The following ZNF804A variants were observed in gnomAD, a reference collection of about 807,000 sequenced individuals.
ZNF804A encodes zinc finger protein 804A.
A neutral mutation model predicts 16.5 loss-of-function variants in ZNF804A; 2 were observed. That is an observed-to-expected ratio of 0.12 (90% CI 0.05 to 0.38). The LOEUF is 0.38. Among genes scored for constraint, ZNF804A ranks in the 10% least tolerant of loss-of-function variants. ZNF804A has a pLI of 0.99. For missense variants in ZNF804A, 1,473 were observed against 1,390.7 expected (o/e 1.06, Z -0.94); for synonymous variants, 534 against 489.6 (o/e 1.09, Z -1.20).
At chr2:184,630,951 G>A (rs1235216911) in intron 1 of ZNF804A, among the ~76,000 whole-genome samples, 1 of 152,044 alleles carries the variant, frequency 6.6e-6, no homozygotes, top group East Asian at 1.9e-4. Flanking sequence ...TCAGAGATTG[G>A]ATTTAATAAA....
At chr2:184,724,946 G>C (rs1276427999) in intron 1 of ZNF804A, among the ~76,000 whole-genome samples, 1 of 151,738 alleles carries the variant, frequency 6.6e-6, no homozygotes, top group African/African-American at 2.4e-5. Context: ...TAAGATAAGA[G>C]TAATGTGAAA....
At chr2:184,705,477 A>G (rs115507663) in intron 1 of ZNF804A, among the ~76,000 whole-genome samples, 2,192 of 152,236 alleles carry the variant, frequency 0.014, 61 homozygotes, top group African/African-American at 0.05. Context: ...AACCCAGAAT[A>G]TATTCTCATT....
intron 2 of ZNF804A, among the ~76,000 whole-genome samples, chr2:184,904,642 G>A (rs1685241797): frequency 6.6e-6 from 1 of 151,694 alleles, no homozygotes; most frequent in Non-Finnish European, 1.5e-5. Flanking sequence ...ATAAAAGAAG[G>A]GTAAAATTAA....
At chr2:184,796,598 TTTTTGTTGTTG>T (rs1462235849) in intron 1 of ZNF804A, among the ~76,000 whole-genome samples, 2 of 151,952 alleles carry the variant, frequency 1.3e-5, no homozygotes, top group Non-Finnish European at 2.9e-5. Context: ...CTTTTGTATC[TTTTTGTTGTTG>T]TTGTTTCAAT....
At chr2:184,653,376 G>A (rs1692019782) in intron 1 of ZNF804A, among the ~76,000 whole-genome samples, 3 of 152,152 alleles carry the variant, frequency 2.0e-5, no homozygotes, top group African/African-American at 7.2e-5. Flanking sequence ...TGAGTTACCA[G>A]TGGCGAATCC....
rs879530358 is a variant in ZNF804A, at chr2:184,842,512, A to AT, written c.112-23846dup. Reference sequence around the variant, plus strand: ...AAGGTGATTTCCTTTTGGAGCTGGGATTTTTTTTTTTAAAAAAAAAGGAAA... The same window carrying AT: ...AAGGTGATTTCCTTTTGGAGCTGGGATTTTTTTTTTTTAAAAAAAAAGGAAA... On this transcript the variant is annotated intron_variant, in intron 1 of 3. Coordinates refer to ENST00000302277, the MANE Select transcript of ZNF804A (RefSeq NM_194250.2). 5.1e-3 allele frequency among the ~76,000 whole-genome samples: 757 copies of AT among 148,808 alleles called. 3 individuals are homozygous for AT. The highest frequency in any genetic ancestry group is 0.015 in the African/African-American group (595 of 40,592).
intron 1 of ZNF804A, among the ~76,000 whole-genome samples, chr2:184,783,584 ACTT>A (rs1374535115): frequency 5.9e-5 from 9 of 151,836 alleles, no homozygotes; most frequent in Non-Finnish European, 1.2e-4. Flanking sequence ...TTTCTCTGGC[ACTT>A]CTTCTGTTGT....
At chr2:184,803,798 A>G (rs910702314) in intron 1 of ZNF804A, among the ~76,000 whole-genome samples, 3 of 147,352 alleles carry the variant, frequency 2.0e-5, no homozygotes, top group East Asian at 2.0e-4. Context: ...CATTACTCCA[A>G]TCTGTGTATC....
At chr2:184,831,969 C>T in intron 1 of ZNF804A, among the ~76,000 whole-genome samples, 1 of 151,894 alleles carries the variant, frequency 6.6e-6, no homozygotes. Context: ...GAGTTTTTCT[C>T]TCTTACCATA....
rs193060102 is a variant in ZNF804A, at chr2:184,766,952, A to G, written c.112-99417A>G. 3.3e-4 allele frequency among the ~76,000 whole-genome samples: 50 copies of G among 152,210 alleles called. No homozygotes were observed. In the East Asian group the frequency reaches 7.6e-3, roughly 23 times the overall value. On this transcript the variant is annotated intron_variant, in intron 1 of 3. Transcript: ENST00000302277. ...TAGGGAAAGGCCATAATCCAGTAAG[A>G]CTGGGGTCCTTATAAGAACAGCAGG... is the stretch of plus-strand genomic sequence containing the variant.
At position 184,813,766 on chromosome 2, in the gene ZNF804A, C is replaced by G. The variant is rs183485901; in HGVS notation, c.112-52603C>G. Among the ~76,000 whole-genome samples, 20 of 152,092 alleles carry G rather than the reference C, an allele frequency of 1.3e-4. No individual in the cohort carries two copies. The East Asian group carries it at 3.9e-3, about 29-fold the overall frequency. ...GGTCTATTCTATCTTCTGAAGTCCT[C>G]AAATCACCCCTATGACAACCATTCA... On this transcript the variant is annotated intron_variant, in intron 1 of 3. Coordinates refer to ENST00000302277, the MANE Select transcript of ZNF804A (RefSeq NM_194250.2).
chr2:184,598,926 C>T lies in ZNF804A; in HGVS notation c.-34C>T. ...GCTGTGGGCGCGGGGTGCGTGGAAGCGGCGGCTGCGGCGGAGGAGGCGGCG... is the reference window on the plus strand; with the variant it reads ...GCTGTGGGCGCGGGGTGCGTGGAAGTGGCGGCTGCGGCGGAGGAGGCGGCG... On this transcript the variant is annotated 5_prime_UTR_variant, in exon 1 of 4. Transcript: ENST00000302277. 1.3e-5 allele frequency: 19 copies of T among 1,435,088 alleles called. No individual in the cohort carries two copies. The highest frequency in any genetic ancestry group is 1.8e-5 in the Non-Finnish European group (19 of 1,052,572). 88.9% of individuals were successfully genotyped at this position (1,435,088 alleles called of 1,614,324 possible).
intron 2 of ZNF804A, among the ~76,000 whole-genome samples, chr2:184,912,439 C>T (rs1685375486): frequency 1.3e-5 from 2 of 151,878 alleles, no homozygotes; most frequent in Admixed American, 1.3e-4. Flanking sequence ...TTTGAATATC[C>T]ATTTTTCAAA....
At chr2:184,929,182 T>C (rs1275427123) in intron 2 of ZNF804A, among the ~76,000 whole-genome samples, 4 of 152,292 alleles carry the variant, frequency 2.6e-5, no homozygotes, top group Non-Finnish European at 5.9e-5. Context: ...CTTCCAGCCA[T>C]GCCTGTCAGT....
intron 1 of ZNF804A, among the ~76,000 whole-genome samples, chr2:184,664,819 T>C (rs1246129745): frequency 2.0e-5 from 3 of 152,168 alleles, no homozygotes; most frequent in African/African-American, 4.8e-5. Context: ...ACGACAGCTC[T>C]TGTAGGCATG....
At chr2:184,620,373 A>G (rs1223444069) in intron 1 of ZNF804A, among the ~76,000 whole-genome samples, 1 of 151,814 alleles carries the variant, frequency 6.6e-6, no homozygotes, top group East Asian at 1.9e-4. Flanking sequence ...AAAAGGAAGA[A>G]TTGTCTAAGC....
intron 1 of ZNF804A, among the ~76,000 whole-genome samples, chr2:184,667,669 TAA>T (rs1407751633): frequency 6.6e-6 from 1 of 151,796 alleles, no homozygotes; most frequent in Admixed American, 6.6e-5. Context: ...GTATACGAAT[TAA>T]GTTTCTTTTT....
chr2:184,932,927 T>C (rs778741155), intron 2 of ZNF804A, among the ~76,000 whole-genome samples: 5 of 152,028 alleles, frequency 3.3e-5, no homozygotes. Context: ...AGAAAAACAA[T>C]ACCAATTTTC....
At chr2:184,923,186 G>T (rs535398305) in intron 2 of ZNF804A, among the ~76,000 whole-genome samples, 4 of 152,020 alleles carry the variant, frequency 2.6e-5, no homozygotes, top group African/African-American at 9.6e-5. Flanking sequence ...CCATGAAAAT[G>T]GAATACATTT....
Sources: gnomAD v4.1 joint callset for allele counts (sites outside exome capture counted in the v4.1 genomes callset) on GRCh38, gnomAD v4.1.1 for gene constraint, MANE v1.5 for transcripts, NCBI Gene and HGNC (gene_info 2026-07-23, HGNC 2026-07-21) for gene names.